Variants in KDM4C observed in about 807,000 individuals in gnomAD.
KDM4C encodes the protein lysine-specific demethylase 4C.
In KDM4C, 81 loss-of-function variants were observed where a neutral mutation model predicts 129.3. The ratio of observed to expected loss-of-function variants is 0.63; its 90% CI spans 0.52 to 0.75. KDM4C has a LOEUF of 0.75. Among genes scored for constraint, KDM4C ranks in the 30% least tolerant of loss-of-function variants. The pLI, the probability that KDM4C is intolerant of heterozygous loss-of-function variation, is 0.00. For missense variants in KDM4C, 1,457 were observed against 1,304.0 expected (o/e 1.12, Z -1.81); for synonymous variants, 573 against 456.1 (o/e 1.26, Z -3.26).
At chr9:6,921,526 C>T (rs552756424) in intron 8 of KDM4C, among the ~76,000 whole-genome samples, 5 of 152,292 alleles carry the variant, frequency 3.3e-5, no homozygotes, top group African/African-American at 1.2e-4. Flanking sequence ...TCTGGGATGC[C>T]CACTGCTCAC....
intron 17 of KDM4C, among the ~76,000 whole-genome samples, chr9:7,070,628 G>C (rs1833065306): frequency 6.6e-6 from 1 of 151,954 alleles, no homozygotes; most frequent in Admixed American, 6.5e-5. Context: ...TAATATACTG[G>C]AGAAAAAAAC....
chr9:7,138,835 A>G lies in KDM4C; in HGVS notation c.2781+10599A>G, dbSNP rs10124436. 8.0e-3 allele frequency among the ~76,000 whole-genome samples: 1,217 copies of G among 152,298 alleles called. 13 individuals are homozygous for G. Among genetic ancestry groups the G allele is most frequent in the African/African-American group, 0.028 (1,166 of 41,562 alleles). The stretch of plus-strand genomic sequence containing the variant: ...ACCCTGTCTCTAAAAAAAATAAAAT[A>G]AAAGATGCCTTTTGTAGATTTATGA... On this transcript the variant is annotated intron_variant, in intron 19 of 21. Coordinates refer to ENST00000381309, the MANE Select transcript of KDM4C (RefSeq NM_015061.6).
Position 6,933,216 on chromosome 9 carries a change from G to A in KDM4C, c.921+39984G>A, listed in dbSNP as rs187758585. Among the ~76,000 whole-genome samples the A allele has an allele frequency of 3.0e-3, 463 of 152,306 alleles. 5 individuals are homozygous for A. Among genetic ancestry groups the A allele is most frequent in the African/African-American group, 0.011 (444 of 41,566 alleles). On this transcript the variant is annotated intron_variant, in intron 8 of 21. Transcript: ENST00000381309. ...TCTATGGGAACAATAGGTATAGGAT[G>A]TTAACTTTCAAAAGCCTTTAGTAGA...
At chr9:6,980,513 A>G (rs1816584485) in intron 8 of KDM4C, among the ~76,000 whole-genome samples, 1 of 152,258 alleles carries the variant, frequency 6.6e-6, no homozygotes. Flanking sequence ...TCACTGGTTA[A>G]AGTATTCTAA....
At chr9:6,884,383 A>T (rs1404261072) in intron 6 of KDM4C, among the ~76,000 whole-genome samples, 1 of 152,210 alleles carries the variant, frequency 6.6e-6, no homozygotes, top group Non-Finnish European at 1.5e-5. Flanking sequence ...AAGAAATTTC[A>T]TGTGTAAATC....
chr9:7,040,692 A>T (rs1292032336), intron 15 of KDM4C, among the ~76,000 whole-genome samples: 1 of 151,716 alleles, frequency 6.6e-6, no homozygotes, highest in Non-Finnish European at 1.5e-5. Flanking sequence ...TTTTTCTTGT[A>T]GTATTTAATA....
At chr9:7,165,160 G>T in intron 19 of KDM4C, 78 bp from the exon 20 acceptor site, 1 of 1,534,530 alleles carries the variant, frequency 6.5e-7, no homozygotes, top group Non-Finnish European at 8.9e-7. Flanking sequence ...TAATTGCCAG[G>T]AGTTCATCAT....
chr9:6,926,096 T>A (rs1430583138), intron 8 of KDM4C, among the ~76,000 whole-genome samples: 4 of 152,062 alleles, frequency 2.6e-5, no homozygotes, highest in African/African-American at 9.7e-5. Flanking sequence ...ATGGTGAAAG[T>A]CAAGCCCCTT....
intron 12 of KDM4C, among the ~76,000 whole-genome samples, chr9:6,992,470 T>G (rs1336793996): frequency 6.6e-6 from 1 of 152,254 alleles, no homozygotes; most frequent in Non-Finnish European, 1.5e-5. Context: ...CCTGGTGACC[T>G]CTGGGGATTT....
chr9:7,025,860 G>A (rs1293888420), intron 15 of KDM4C, among the ~76,000 whole-genome samples: 1 of 151,938 alleles, frequency 6.6e-6, no homozygotes, highest in Admixed American at 6.6e-5. Context: ...AGTGAGTTTT[G>A]GACCTTCAGT....
intron 17 of KDM4C, among the ~76,000 whole-genome samples, chr9:7,070,978 G>A (rs1357092510): frequency 6.6e-6 from 1 of 152,130 alleles, no homozygotes; most frequent in Admixed American, 6.5e-5. Flanking sequence ...AGTGTGTCAA[G>A]TTTTCAGGGG....
chr9:7,005,702 G>A (rs368320131), intron 12 of KDM4C, among the ~76,000 whole-genome samples: 2 of 152,276 alleles, frequency 1.3e-5, no homozygotes, highest in East Asian at 3.9e-4. Flanking sequence ...GGATCATCAT[G>A]TCCTGAAGTA....
chr9:7,017,341 G>A (rs146427754), intron 15 of KDM4C, among the ~76,000 whole-genome samples: 240 of 152,246 alleles, frequency 1.6e-3, no homozygotes, highest in African/African-American at 5.6e-3. Context: ...AGGCATTGCT[G>A]TGAATTTTAG....
rs2132164390 is a variant in KDM4C, at chr9:7,013,850, A to G, written c.2031A>G (p.Thr677=). 1 of 1,614,066 alleles carries G rather than the reference A, an allele frequency of 6.2e-7. No individual in the cohort carries two copies. The highest frequency in any genetic ancestry group is 8.5e-7 in the Non-Finnish European group (1 of 1,179,916). The change falls in exon 14 of 22, where the codon ACA becomes ACG. Residue 677 remains threonine (T), a synonymous_variant. Transcript: ENST00000381309. The part of the protein sequence containing the change: ...RWETKLDEVV[T]SEGKTKPLIP... ...AGACAAAATTAGATGAAGTCGTTACATCGGAGGGAAAGACTAAGCCCCTCA... is the reference window on the plus strand; with the variant it reads ...AGACAAAATTAGATGAAGTCGTTACGTCGGAGGGAAAGACTAAGCCCCTCA...
chr9:6,822,134 G>A (rs1833141772), intron 4 of KDM4C, among the ~76,000 whole-genome samples: 1 of 152,214 alleles, frequency 6.6e-6, no homozygotes, highest in Non-Finnish European at 1.5e-5. Flanking sequence ...GCAGGGTTTG[G>A]CTGTCAAGTT....
chr9:7,034,696 A>T (rs1827337511), intron 15 of KDM4C, among the ~76,000 whole-genome samples: 1 of 152,186 alleles, frequency 6.6e-6, no homozygotes, highest in Non-Finnish European at 1.5e-5. Flanking sequence ...AATTCCCAGT[A>T]GTGGTATTGC....
At chr9:7,079,039 A>C (rs1564089385) in intron 17 of KDM4C, among the ~76,000 whole-genome samples, 1 of 152,218 alleles carries the variant, frequency 6.6e-6, no homozygotes, top group Non-Finnish European at 1.5e-5. Flanking sequence ...AGGTTTACAG[A>C]TTCAGCATAA....
chr9:7,135,606 T>C (rs1841117848), intron 19 of KDM4C, among the ~76,000 whole-genome samples: 1 of 91,838 alleles, frequency 1.1e-5, no homozygotes, highest in Non-Finnish European at 2.2e-5. Flanking sequence ...TTCTGAGCTA[T>C]GTGTTGAACA....
intron 15 of KDM4C, among the ~76,000 whole-genome samples, chr9:7,023,340 T>C (rs991916672): frequency 2.0e-5 from 3 of 152,188 alleles, no homozygotes; most frequent in Non-Finnish European, 2.9e-5. Context: ...TGTTTGGGTT[T>C]TGGATTTCTT....
Sources: gnomAD v4.1 joint callset for allele counts (sites outside exome capture counted in the v4.1 genomes callset) on GRCh38, gnomAD v4.1.1 for gene constraint, MANE v1.5 for transcripts, NCBI Gene and HGNC (gene_info 2026-07-23, HGNC 2026-07-21) for gene names.